Variants in VWF observed in about 807,000 individuals in gnomAD.
VWF encodes Factor VIII related antigen.
VWF carries 176 observed loss-of-function variants against 308.6 expected under a neutral mutation model. The observed-to-expected ratio is 0.57, with a 90% CI of 0.50 to 0.65. The LOEUF is 0.65. Among genes scored for constraint, VWF ranks in the 30% least tolerant of loss-of-function variants. The pLI, the probability that VWF is intolerant of heterozygous loss-of-function variation, is 0.00. For missense variants in VWF, 3,146 were observed against 3,648.2 expected (o/e 0.86, Z 3.55); for synonymous variants, 1,385 against 1,443.4 (o/e 0.96, Z 0.92).
intron 34 of VWF, 84 bp from the exon 35 acceptor site, chr12:5,996,306 T>C (rs1017220806): frequency 1.0e-5 from 13 of 1,258,344 alleles, no homozygotes; most frequent in South Asian, 1.3e-5. Flanking sequence ...TGTGACCAAG[T>C]TGCACACAGA....
At chr12:6,119,307 G>A (rs1293120879) in intron 3 of VWF, among the ~76,000 whole-genome samples, 1 of 152,026 alleles carries the variant, frequency 6.6e-6, no homozygotes, top group Non-Finnish European at 1.5e-5. Context: ...CATTTCTACT[G>A]AGTCAGAACT....
At chr12:6,123,065 C>G in intron 2 of VWF, 77 bp downstream of exon 2, 1 of 1,584,208 alleles carries the variant, frequency 6.3e-7, no homozygotes, top group Non-Finnish European at 8.7e-7. Flanking sequence ...TCCAGACACA[C>G]CTGCTGATTC....
chr12:5,995,968 G>T, intron 35 of VWF, 34 bp downstream of exon 35: 1 of 1,601,796 alleles, frequency 6.2e-7, no homozygotes, highest in East Asian at 2.2e-5. Context: ...ACATTCTATT[G>T]CCTTACCACG....
chr12:6,077,853 T>C (rs1227481219), intron 6 of VWF, among the ~76,000 whole-genome samples: 1 of 152,160 alleles, frequency 6.6e-6, no homozygotes, highest in Non-Finnish European at 1.5e-5. Flanking sequence ...TGCCTTGGCC[T>C]CATCATGACT....
rs572467475 is a variant in VWF, at chr12:6,001,730, C to A, written c.5843-5508G>T. Among the ~76,000 whole-genome samples, 255 of 152,180 alleles carry A rather than the reference C, an allele frequency of 1.7e-3. 1 individual carries two copies. The highest frequency in any genetic ancestry group is 4.2e-3 in the African/African-American group (175 of 41,536). ...GACTATAGAAGACAAACATTAAAAT[C>A]AAAATATGTAGTTCTCATGGAGGGG... On this transcript the variant is annotated intron_variant, in intron 34 of 51. Transcript: ENST00000261405.
intron 22 of VWF, among the ~76,000 whole-genome samples, chr12:6,026,630 A>G (rs1388902027): frequency 1.3e-5 from 2 of 152,242 alleles, no homozygotes; most frequent in South Asian, 2.1e-4. Flanking sequence ...CTGAAAAAGT[A>G]GTTACGAATG....
intron 44 of VWF, among the ~76,000 whole-genome samples, chr12:5,970,961 CT>C (rs1451405834): frequency 1.3e-5 from 2 of 152,186 alleles, no homozygotes; most frequent in African/African-American, 2.4e-5. Context: ...AAGAAAATGG[CT>C]TGATGAGCAT....
chr12:6,087,915 C>T (rs1944991090), intron 6 of VWF, among the ~76,000 whole-genome samples: 1 of 152,044 alleles, frequency 6.6e-6, no homozygotes, highest in South Asian at 2.1e-4. Context: ...GTAACTGGTG[C>T]ACTCAGTTTC....
chr12:6,052,231 C>A (rs1478700619), intron 16 of VWF, among the ~76,000 whole-genome samples: 1 of 152,160 alleles, frequency 6.6e-6, no homozygotes, highest in Non-Finnish European at 1.5e-5. Flanking sequence ...ACAGGCAGAT[C>A]TCCCTTTTCC....
At chr12:6,025,554 C>T (rs1261573690) in intron 24 of VWF, 26 bp downstream of exon 24, 1 of 1,495,496 alleles carries the variant, frequency 6.7e-7, no homozygotes, top group South Asian at 1.1e-5. Flanking sequence ...GGACCGTCTG[C>T]TTCCCACTAC....
chr12:6,034,615 CCCAACCTG>C, intron 20 of VWF, 65 bp downstream of exon 20: 1 of 1,610,000 alleles, frequency 6.2e-7, no homozygotes, highest in Non-Finnish European at 8.5e-7. Context: ...ATCCACAGAA[CCCAACCTG>C]AGGCCACACC....
intron 20 of VWF, among the ~76,000 whole-genome samples, chr12:6,033,746 T>C (rs1052786109): frequency 9.3e-5 from 14 of 151,332 alleles, no homozygotes; most frequent in African/African-American, 3.5e-4. Flanking sequence ...CAGCATGCTC[T>C]ACACGAGTGG....
chr12:6,016,159 C>T lies in VWF; in HGVS notation c.5385G>A (p.Ala1795=), dbSNP rs1243073041. 20 of 1,614,100 alleles carry T rather than the reference C, an allele frequency of 1.2e-5. No individual in the cohort carries two copies. Among genetic ancestry groups the T allele is most frequent in the East Asian group, 8.9e-5 (4 of 44,894 alleles). Residue 1795 remains alanine, a synonymous_variant, in exon 31 of 52, where the codon GCG becomes GCA. Coordinates refer to ENST00000261405, the MANE Select transcript of VWF (RefSeq NM_000552.5). The stretch of plus-strand genomic sequence containing the variant: ...AGACGTCCGTGACCAGGATGACCAC[C>T]GCCTTTGAGGCTCCCGGCCTGGCAC... The part of the protein sequence containing the change: ...MHGARPGASK[A]VVILVTDVSV...
chr12:6,070,596 A>G lies in VWF; in HGVS notation c.1156+701T>C, dbSNP rs117967051. On this transcript the variant is annotated intron_variant, in intron 10 of 51. Transcript: ENST00000261405. ...CACCTGCCTCACAGGTTGTAACCGG[A>G]AAGTGTTTAGCACAGTGGCCAGCAC... Among the ~76,000 whole-genome samples the G allele has an allele frequency of 1.4e-3, 206 of 152,378 alleles. 1 individual carries two copies. In the East Asian group the frequency reaches 0.028, roughly 21 times the overall value.
intron 34 of VWF, among the ~76,000 whole-genome samples, chr12:6,003,075 A>C (rs1244967057): frequency 6.6e-6 from 1 of 152,228 alleles, no homozygotes; most frequent in Non-Finnish European, 1.5e-5. Flanking sequence ...TGTCTTAAAA[A>C]TTATCAAAGA....
intron 20 of VWF, among the ~76,000 whole-genome samples, chr12:6,032,515 G>A (rs980919948): frequency 9.4e-5 from 14 of 149,678 alleles, no homozygotes; most frequent in Non-Finnish European, 1.9e-4. Flanking sequence ...GCGGGCGCCT[G>A]TAGTCCCAGC....
In VWF at chr12:5,968,187, A is replaced by G; in HGVS notation, c.7730-20T>C. On this transcript the variant is annotated intron_variant, in intron 45 of 51. Transcript: ENST00000261405. ...TGCGCTCTGGGGGAGAGAAAAGTGC[A>G]GAGTGAGAGTGGGCAAAACACACCC... 1 of 1,613,836 alleles carries G rather than the reference A, an allele frequency of 6.2e-7. No homozygotes were observed. The highest frequency in any genetic ancestry group is 1.7e-5 in the Admixed American group (1 of 60,022).
intron 6 of VWF, among the ~76,000 whole-genome samples, chr12:6,086,010 C>A (rs1944967756): frequency 6.6e-6 from 1 of 152,172 alleles, no homozygotes; most frequent in Non-Finnish European, 1.5e-5. Flanking sequence ...CCAAGGTCAC[C>A]ACTGTTTCAC....
Position 5,965,303 on chromosome 12 carries a change from C to A in VWF, c.7887+2183G>T, listed in dbSNP as rs548981442. On this transcript the variant is annotated intron_variant, in intron 47 of 51. Transcript: ENST00000261405. ...AAACTGCCTTGCACACCCCTCAGGG[C>A]CCCTTTCCATGTATTTCATCGACGG... 4.6e-5 allele frequency among the ~76,000 whole-genome samples: 7 copies of A among 152,276 alleles called. No homozygotes were observed. In the South Asian group the frequency reaches 1.2e-3, roughly 27 times the overall value.
Sources: allele counts gnomAD v4.1 joint callset (sites outside exome capture counted in the v4.1 genomes callset), GRCh38; gene constraint gnomAD v4.1.1; transcripts MANE v1.5; gene names NCBI Gene and HGNC (gene_info 2026-07-23, HGNC 2026-07-21).